CCDC136: variants seen among roughly 807,000 people sequenced by gnomAD.
The protein encoded by CCDC136 is coiled-coil domain containing 136, also known as coiled-coil domain-containing protein 136.
Under a neutral mutation model 141.2 loss-of-function variants are expected in CCDC136, and 100 were observed. The ratio of observed to expected loss-of-function variants is 0.71; its 90% CI spans 0.60 to 0.84. The LOEUF (loss-of-function observed/expected upper bound fraction) is 0.84. Ranked by LOEUF, CCDC136 falls within the 40% of genes least tolerant of loss-of-function variation. CCDC136 has a pLI of 0.00. For missense variants in CCDC136, 1,206 were observed against 1,379.4 expected (o/e 0.87, Z 1.99); for synonymous variants, 474 against 531.9 (o/e 0.89, Z 1.50).
In CCDC136 at chr7:128,796,739, A is replaced by ATATATATTTTTTTT; in HGVS notation, c.346+1972_346+1973insATATATTTTTTTTT. Among the ~76,000 whole-genome samples, 6 of 113,374 alleles carry ATATATATTTTTTTT rather than the reference A, an allele frequency of 5.3e-5. 1 individual carries two copies. Among genetic ancestry groups the ATATATATTTTTTTT allele is most frequent in the East Asian group, 7.1e-4 (2 of 2,814 alleles). The allele number at this position is 113,374 out of a possible 152,430, so 74.4% of individuals were successfully genotyped here. Reference sequence around the variant, plus strand: ...TGATTCAGAATATATATATATATATATTCTTTTTTTTTTTTTTTTTGAGAC... The same window carrying ATATATATTTTTTTT: ...TGATTCAGAATATATATATATATATATATATATTTTTTTTTTCTTTTTTTTTTTTTTTTTGAGAC... On this transcript the variant is annotated intron_variant, in intron 3 of 17. Coordinates refer to ENST00000297788, the MANE Select transcript of CCDC136 (RefSeq NM_022742.5).
rs779149803 is a variant in CCDC136 at position 128,792,288 on chromosome 7, C to T, written c.-124C>T. 1.3e-6 allele frequency: 2 copies of T among 1,545,666 alleles called. No homozygotes were observed. The highest frequency in any genetic ancestry group is 1.8e-6 in the Non-Finnish European group (2 of 1,141,690). ...ACCCCAGCCCGCAGCCAGCCCCCCA[C>T]CCCCCAGCCCCTCCTTTCTCCCTGC... is the stretch of plus-strand genomic sequence containing the variant. On this transcript the variant is annotated 5_prime_UTR_variant, in exon 1 of 18. Transcript: ENST00000297788.
upstream of CCDC136, chr7:128,791,928 C>A: frequency 1.4e-6 from 1 of 701,996 alleles, no homozygotes; most frequent in Non-Finnish European, 1.9e-6. This position sits in a 1 kb window ranked among gnomAD's most constrained non-coding sequence, Gnocchi z 7.1. Context: ...GGAGCGGTCG[C>A]AGCCCTACCC....
rs1802240778 is a variant in CCDC136, at chr7:128,791,982, C to T, written c.-430C>T. Reference sequence around the variant, plus strand: ...CTCCTCCCTCCCTCCATCTGTAGGCCACCTCAGCCTTTCAGCCTCTTCTTC... The same window carrying T: ...CTCCTCCCTCCCTCCATCTGTAGGCTACCTCAGCCTTTCAGCCTCTTCTTC... On this transcript the variant is annotated 5_prime_UTR_variant, in exon 1 of 18. Coordinates refer to ENST00000297788, the MANE Select transcript of CCDC136 (RefSeq NM_022742.5). This position sits in a 1 kb window ranked among gnomAD's most constrained non-coding sequence, Gnocchi z 7.1. The T allele has an allele frequency of 1.7e-6, 2 of 1,169,676 alleles. No individual in the cohort carries two copies. The highest frequency in any genetic ancestry group is 2.1e-6 in the Non-Finnish European group (2 of 945,652). 72.5% of individuals were successfully genotyped at this position (1,169,676 alleles called of 1,614,324 possible).
In CCDC136 at chr7:128,817,950, T is replaced by C. The variant is rs1806903649; in HGVS notation, c.*5+86T>C. ...TCTCCTCTTTCCCTTTTCTCCCAGC[T>C]GCTTGCTTCTTGCTTGTGCCATTTT... On this transcript the variant is annotated intron_variant, in intron 17 of 17. Transcript: ENST00000297788. This position sits in a 1 kb window ranked among gnomAD's most constrained non-coding sequence, Gnocchi z 4.6. The C allele has an allele frequency of 1.0e-6, 1 of 990,094 alleles. No individual in the cohort carries two copies. The highest frequency in any genetic ancestry group is 1.6e-6 in the Non-Finnish European group (1 of 636,068). 61.3% of individuals were successfully genotyped at this position (990,094 alleles called of 1,614,324 possible).
At chr7:128,810,513 AC>A in intron 12 of CCDC136, 147 bp downstream of exon 12, 1 of 622,960 alleles carries the variant, frequency 1.6e-6, no homozygotes, top group African/African-American at 1.8e-5. Flanking sequence ...ACCAGCTGTG[AC>A]CACTCACAGG....
At position 128,806,396 on chromosome 7, in the gene CCDC136, G is replaced by A. The variant is rs1164663880; in HGVS notation, c.1248+1G>A. On this transcript the variant is annotated splice_donor_variant, in intron 8 of 17. Coordinates refer to ENST00000297788, the MANE Select transcript of CCDC136 (RefSeq NM_022742.5). LOFTEE classifies it high-confidence loss of function. ...ACTTGTAGAAAACCAGAGTGAGAAG[G>A]TAACAGCAACCAGAGGTGAGGGGAC... 2.5e-6 allele frequency: 4 copies of A among 1,598,568 alleles called. No homozygotes were observed. Among genetic ancestry groups the A allele is most frequent in the Non-Finnish European group, 3.4e-6 (4 of 1,170,314 alleles).
rs1802280285 is a variant in CCDC136 at position 128,792,232 on chromosome 7, G to T, written c.-180G>T. On this transcript the variant is annotated 5_prime_UTR_variant, in exon 1 of 18. Coordinates refer to ENST00000297788, the MANE Select transcript of CCDC136 (RefSeq NM_022742.5). ...ATTACAGATCCCAGAGCCTCGAGGA[G>T]CTGGAAGACATGTCCCCTTCTTTCC... 3 of 1,516,906 alleles carry T rather than the reference G, an allele frequency of 2.0e-6. No individual in the cohort carries two copies. The African/African-American group carries it at 4.2e-5, about 21-fold the overall frequency. The allele number at this position is 1,516,906 out of a possible 1,614,324, so 94.0% of individuals were successfully genotyped here. A position where few individuals can be genotyped will look rare whatever the true frequency, so the allele number is the denominator to read the frequency against.
upstream of CCDC136, chr7:128,791,435 C>T: frequency 8.0e-7 from 1 of 1,249,896 alleles, no homozygotes; most frequent in Admixed American, 3.9e-5. This position sits in a 1 kb window ranked among gnomAD's most constrained non-coding sequence, Gnocchi z 7.1. Flanking sequence ...GGCTCGGGTC[C>T]CCGGGCTCGC....
At chr7:128,791,902 G>A (rs568306516), upstream of CCDC136, 5 of 501,384 alleles carry the variant, frequency 1.0e-5, no homozygotes, top group South Asian at 1.4e-4. The surrounding 1 kb of genome is among the most constrained non-coding windows in gnomAD (Gnocchi z 7.1). Flanking sequence ...GCGAGAGAAT[G>A]GGAGGAGAGG....
intron 4 of CCDC136, among the ~76,000 whole-genome samples, chr7:128,802,365 A>G (rs1020319270): frequency 6.6e-6 from 1 of 152,122 alleles, no homozygotes. Context: ...AAGAACTGCA[A>G]GTTTTTCCAG....
Position 128,810,309 on chromosome 7 carries a change from G to A in CCDC136, c.1971G>A (p.Val657=). 6.2e-7 allele frequency: 1 copy of A among 1,614,044 alleles called. No homozygotes were observed. Among genetic ancestry groups the A allele is most frequent in the Non-Finnish European group, 8.5e-7 (1 of 1,179,892 alleles). ...RRFKESHFQE[V]LENPDDSKLA... is the part of the protein sequence containing the mutation. ...TCAAAGAGTCTCATTTCCAGGAAGT[G>A]TTGGAGAATCCCGATGATTCCAAAT... is the stretch of plus-strand genomic sequence containing the variant. The change falls in exon 12 of 18, where the codon GTG becomes GTA. Residue 657 remains valine (V), a synonymous_variant. Coordinates refer to ENST00000297788, the MANE Select transcript of CCDC136 (RefSeq NM_022742.5).
chr7:128,794,245 T>C lies in CCDC136; in HGVS notation c.17-103T>C. Reference sequence around the variant, plus strand: ...CTCCTTGGGGGACACCAGGTGGCACTAGTATGTCATCTCTGCCCTGGCATA... The same window carrying C: ...CTCCTTGGGGGACACCAGGTGGCACCAGTATGTCATCTCTGCCCTGGCATA... On this transcript the variant is annotated intron_variant, in intron 1 of 17. Coordinates refer to ENST00000297788, the MANE Select transcript of CCDC136 (RefSeq NM_022742.5). This position sits in a 1 kb window ranked among gnomAD's most constrained non-coding sequence, Gnocchi z 4.3. The C allele has an allele frequency of 6.7e-7, 1 of 1,497,438 alleles. No individual in the cohort carries two copies. The highest frequency in any genetic ancestry group is 9.1e-7 in the Non-Finnish European group (1 of 1,100,386). 92.8% of individuals were successfully genotyped at this position (1,497,438 alleles called of 1,614,324 possible). A position where few individuals can be genotyped will look rare whatever the true frequency, so the allele number is the denominator to read the frequency against.
chr7:128,803,325 A>G (rs1475443386), intron 4 of CCDC136, among the ~76,000 whole-genome samples: 1 of 152,176 alleles, frequency 6.6e-6, no homozygotes, highest in African/African-American at 2.4e-5. Context: ...CTTAGTCATG[A>G]AGCAACAAAA....
In CCDC136 at chr7:128,794,542, G is replaced by A. The variant is rs1172181021; in HGVS notation, c.211G>A (p.Glu71Lys). ...GGCTCAGGTGCTGCAGCTGGTGGCA[G>A]AACTGGAGGAGACCCGGGAACTGGC... ...LRAQVLQLVAELEETRELAGQ... is the reference protein window; with the variant it reads ...LRAQVLQLVAKLEETRELAGQ... Residue 71 changes from glutamate (E) to lysine (K), a missense_variant, in exon 2 of 18, where the codon GAA becomes AAA. Glu to Lys is a moderately conservative substitution (Grantham distance 56). Coordinates refer to ENST00000297788, the MANE Select transcript of CCDC136 (RefSeq NM_022742.5). This position sits in a 1 kb window ranked among gnomAD's most constrained non-coding sequence, Gnocchi z 4.3. 3.2e-6 allele frequency: 5 copies of A among 1,555,522 alleles called. No individual in the cohort carries two copies. The highest frequency in any genetic ancestry group is 4.4e-6 in the Non-Finnish European group (5 of 1,149,318).
Position 128,821,105 on chromosome 7 carries a change from G to A in CCDC136, c.*6-694G>A, listed in dbSNP as rs1807379494. Reference sequence around the variant, plus strand: ...TAATGGATGCTTTTTGGATATCTTCGATGGTGCCACTTGTCCCATGAATCA... The same window carrying A: ...TAATGGATGCTTTTTGGATATCTTCAATGGTGCCACTTGTCCCATGAATCA... On this transcript the variant is annotated intron_variant, in intron 17 of 17. Coordinates refer to ENST00000297788, the MANE Select transcript of CCDC136 (RefSeq NM_022742.5). The surrounding 1 kb of genome is among the most constrained non-coding windows in gnomAD (Gnocchi z 5.1). 6.6e-6 allele frequency among the ~76,000 whole-genome samples: 1 copy of A among 152,082 alleles called. No individual in the cohort carries two copies. Among genetic ancestry groups the A allele is most frequent in the African/African-American group, 2.4e-5 (1 of 41,424 alleles).
Position 128,815,919 on chromosome 7 carries a change from C to T in CCDC136, c.3351C>T (p.Ser1117=), listed in dbSNP as rs577808317. Residue 1117 remains serine (S), a synonymous_variant, in exon 16 of 18, where the codon TCC becomes TCT. Transcript: ENST00000297788. ...SPEENNPLRL[S]ESKKSSPTPN... ...AAGAAAATAACCCCCTCAGACTTTC[C>T]GAGAGCAAAAAGGTAACCAGAGCCA... The T allele has an allele frequency of 1.1e-5, 17 of 1,609,276 alleles. No individual in the cohort carries two copies. The Admixed American group carries it at 1.7e-4, about 16-fold the overall frequency.
chr7:128,810,133 C>G lies in CCDC136; in HGVS notation c.1801-6C>G. The G allele has an allele frequency of 6.4e-7, 1 of 1,563,662 alleles. No individual in the cohort carries two copies. On this transcript the variant is annotated splice_polypyrimidine_tract_variant and splice_region_variant and intron_variant, in intron 11 of 17. Transcript: ENST00000297788. ...CCCTTGCCTCCTTCCTTCTACTCCG[C>G]CTCAGAGTCAGGAGCTACTCACCAA...
chr7:128,808,569 G>C, intron 10 of CCDC136: 1 of 985,384 alleles, frequency 1.0e-6, no homozygotes, highest in Non-Finnish European at 1.2e-6. Flanking sequence ...TTGGAGAAGA[G>C]GCCCAAGAGT....
chr7:128,809,212 G>T, intron 10 of CCDC136: 1 of 447,672 alleles, frequency 2.2e-6, no homozygotes, highest in South Asian at 3.5e-5. Flanking sequence ...AATGGTGGAA[G>T]TTTAGAGCAA....
Sources: gnomAD v4.1 joint callset for allele counts (sites outside exome capture counted in the v4.1 genomes callset) on GRCh38, gnomAD v4.1.1 for gene constraint, Gnocchi (gnomAD v3.1) non-coding constraint, MANE v1.5 for transcripts, NCBI Gene and HGNC (gene_info 2026-07-23, HGNC 2026-07-21) for gene names.